CDH20: variants seen among roughly 807,000 people sequenced by gnomAD.
The protein encoded by CDH20 is cadherin 20, also known as cadherin-20.
In CDH20, 29 loss-of-function variants were observed where a neutral mutation model predicts 74.2. The observed-to-expected ratio is 0.39, with a 90% CI of 0.29 to 0.53. The LOEUF is 0.53. Ranked by LOEUF, CDH20 falls within the 20% of genes least tolerant of loss-of-function variation. The probability of loss-of-function intolerance (pLI) is 0.69; values close to 1 mark genes in which losing one functional copy is unlikely to be tolerated. For synonymous variants in CDH20, 469 were observed against 405.4 expected, an observed-to-expected ratio of 1.16 and a Z score of -1.88; for missense variants, 988 against 1,048.3, an observed-to-expected ratio of 0.94 and a Z score of 0.79.
At chr18:61,425,636 T>C (rs927120381) in intron 1 of CDH20, among the ~76,000 whole-genome samples, 3 of 152,176 alleles carry the variant, frequency 2.0e-5, no homozygotes, top group African/African-American at 7.2e-5. Context: ...TTCTCACTTA[T>C]AAGTGGGAGC....
intron 1 of CDH20, among the ~76,000 whole-genome samples, chr18:61,423,963 T>C (rs1422072668): frequency 6.6e-6 from 1 of 152,178 alleles, no homozygotes; most frequent in Admixed American, 6.5e-5. Flanking sequence ...CTTCCCTCAT[T>C]CTCTGGCAAG....
chr18:61,422,086 C>T (rs1244610980), intron 1 of CDH20, among the ~76,000 whole-genome samples: 2 of 152,118 alleles, frequency 1.3e-5, no homozygotes, highest in African/African-American at 2.4e-5. Flanking sequence ...CTAGTCCATG[C>T]ATTCAGGGAC....
chr18:61,555,400 C>T lies in CDH20; in HGVS notation c.*705C>T. 1 of 985,438 alleles carries T rather than the reference C, an allele frequency of 1.0e-6. No homozygotes were observed. The highest frequency in any genetic ancestry group is 1.2e-6 in the Non-Finnish European group (1 of 829,934). 61.0% of individuals were successfully genotyped at this position (985,438 alleles called of 1,614,324 possible). ...CCATCAAGTTAGAGTGCTCGTGTCTCCTCTCAGCTATTTAACTGTGCCCCT... is the reference window on the plus strand; with the variant it reads ...CCATCAAGTTAGAGTGCTCGTGTCTTCTCTCAGCTATTTAACTGTGCCCCT... On this transcript the variant is annotated 3_prime_UTR_variant, in exon 12 of 12. Transcript: ENST00000262717.
chr18:61,526,371 ATT>A, intron 6 of CDH20, among the ~76,000 whole-genome samples: 1 of 151,776 alleles, frequency 6.6e-6, no homozygotes, highest in South Asian at 2.1e-4. Context: ...ACCTACCGAT[ATT>A]TTTTTCTGAA....
At chr18:61,384,215 AC>A (rs1430292239) in intron 1 of CDH20, among the ~76,000 whole-genome samples, 1 of 152,162 alleles carries the variant, frequency 6.6e-6, no homozygotes, top group African/African-American at 2.4e-5. Context: ...AAAATGCTGC[AC>A]TGAATGTTCA....
intron 1 of CDH20, among the ~76,000 whole-genome samples, chr18:61,477,495 G>T (rs924531386): frequency 6.6e-6 from 1 of 152,166 alleles, no homozygotes; most frequent in Admixed American, 6.5e-5. Context: ...TGGCAACAAT[G>T]TTAGAAATTG....
rs1480402055 is a variant in CDH20 at position 61,554,945 on chromosome 18, T to G, written c.*250T>G. The G allele has an allele frequency of 7.4e-7, 1 of 1,353,332 alleles. No homozygotes were observed. The highest frequency in any genetic ancestry group is 3.1e-5 in the Admixed American group (1 of 31,862). 83.8% of individuals were successfully genotyped at this position (1,353,332 alleles called of 1,614,324 possible). A position where few individuals can be genotyped will look rare whatever the true frequency, so the allele number is the denominator to read the frequency against. ...CTTTTCTTTTTGATTTTTCTGACAC[T>G]GTGTGCGAAGGCTTGGAGTCCAAGG... On this transcript the variant is annotated 3_prime_UTR_variant, in exon 12 of 12. Transcript: ENST00000262717.
chr18:61,358,631 T>C (rs1448630572), intron 1 of CDH20, among the ~76,000 whole-genome samples: 1 of 152,196 alleles, frequency 6.6e-6, no homozygotes, highest in Non-Finnish European at 1.5e-5. Flanking sequence ...GATCAGTGGT[T>C]TTCCTGACCT....
At chr18:61,482,136 G>A (rs75562469) in intron 1 of CDH20, among the ~76,000 whole-genome samples, 4 of 152,110 alleles carry the variant, frequency 2.6e-5, no homozygotes, top group Non-Finnish European at 4.4e-5. Context: ...GTATCTCAGG[G>A]AGGGGTGAGG....
chr18:61,428,695 T>C (rs889926883), intron 1 of CDH20, among the ~76,000 whole-genome samples: 3 of 152,252 alleles, frequency 2.0e-5, no homozygotes, highest in Non-Finnish European at 4.4e-5. Context: ...AAGACACAGA[T>C]GGACTCTGCA....
Position 61,554,491 on chromosome 18 carries a change from C to T in CDH20, c.2202C>T (p.Asp734=). The T allele has an allele frequency of 6.2e-7, 1 of 1,612,998 alleles. No homozygotes were observed. Among genetic ancestry groups the T allele is most frequent in the Non-Finnish European group, 8.5e-7 (1 of 1,179,804 alleles). The change falls in exon 12 of 12, where the codon GAC becomes GAT. Residue 734 remains aspartate, a synonymous_variant. Coordinates refer to ENST00000262717, the MANE Select transcript of CDH20 (RefSeq NM_031891.4). ...SYVLAKLYEA[D]MDLWAPPFDS... ...TGCTGGCCAAGCTCTACGAGGCCGA[C>T]ATGGACCTGTGGGCACCGCCCTTCG... is the stretch of plus-strand genomic sequence containing the variant.
Position 61,554,858 on chromosome 18 carries a change from A to AG in CDH20, c.*163_*164insG. On this transcript the variant is annotated 3_prime_UTR_variant, in exon 12 of 12. Coordinates refer to ENST00000262717, the MANE Select transcript of CDH20 (RefSeq NM_031891.4). ...TGGATCAGCTTTACTTGGGTAGATT[A>AG]AGTTAAATAAGCAAAAGGAAACCCA... is the stretch of plus-strand genomic sequence containing the variant. 7.1e-7 allele frequency: 1 copy of AG among 1,406,064 alleles called. No homozygotes were observed. Among genetic ancestry groups the AG allele is most frequent in the Non-Finnish European group, 9.2e-7 (1 of 1,082,562 alleles). The allele number at this position is 1,406,064 out of a possible 1,614,324, so 87.1% of individuals were successfully genotyped here. A position where few individuals can be genotyped will look rare whatever the true frequency, so the allele number is the denominator to read the frequency against.
At chr18:61,402,019 G>GT (rs1191201015) in intron 1 of CDH20, among the ~76,000 whole-genome samples, 1 of 152,190 alleles carries the variant, frequency 6.6e-6, no homozygotes, top group Non-Finnish European at 1.5e-5. Context: ...CCAAAGGTTG[G>GT]TTTGTCTAAG....
intron 6 of CDH20, among the ~76,000 whole-genome samples, chr18:61,513,636 A>G (rs1245859828): frequency 6.6e-6 from 1 of 152,026 alleles, no homozygotes; most frequent in Non-Finnish European, 1.5e-5. Context: ...AGCGGCTGGT[A>G]CTGGTTGTTC....
intron 1 of CDH20, among the ~76,000 whole-genome samples, chr18:61,481,655 A>C (rs974003189): frequency 6.6e-6 from 1 of 152,108 alleles, no homozygotes; most frequent in Non-Finnish European, 1.5e-5. Context: ...TTTTCTTTAC[A>C]TTTATATGGC....
At chr18:61,421,218 A>T (rs1318563448) in intron 1 of CDH20, among the ~76,000 whole-genome samples, 1 of 152,322 alleles carries the variant, frequency 6.6e-6, no homozygotes, top group East Asian at 1.9e-4. Flanking sequence ...TGTTCGAGAA[A>T]TTTTTTGTAA....
chr18:61,435,756 C>T (rs9967225), intron 1 of CDH20, among the ~76,000 whole-genome samples: 146,954 of 150,636 alleles, frequency 0.98, 71,739 homozygotes, highest in East Asian at 1. Context: ...TTTATGTATA[C>T]AAAAGCTTTG....
rs144380281 is a variant in CDH20, at chr18:61,541,527, C to A, written c.1530+2382C>A. Among the ~76,000 whole-genome samples, 24 of 152,242 alleles carry A rather than the reference C, an allele frequency of 1.6e-4. 1 individual carries two copies. The East Asian group carries it at 4.6e-3, about 29-fold the overall frequency. On this transcript the variant is annotated intron_variant, in intron 9 of 11. Transcript: ENST00000262717. ...CAAACATAGTCCCCATTTCTAAATGCATCTTTTAATAGTTTGTTATACAGT... is the reference window on the plus strand; with the variant it reads ...CAAACATAGTCCCCATTTCTAAATGAATCTTTTAATAGTTTGTTATACAGT...
chr18:61,385,729 G>T (rs1456430644), intron 1 of CDH20, among the ~76,000 whole-genome samples: 2 of 152,012 alleles, frequency 1.3e-5, no homozygotes, highest in African/African-American at 4.8e-5. Context: ...TCAGGAGTTT[G>T]AGACCAGCTG....
Sources: gnomAD v4.1 joint callset for allele counts (sites outside exome capture counted in the v4.1 genomes callset) on GRCh38, gnomAD v4.1.1 for gene constraint, MANE v1.5 for transcripts, NCBI Gene and HGNC (gene_info 2026-07-23, HGNC 2026-07-21) for gene names.